Variants in ADAMTS19 observed in about 807,000 individuals in gnomAD.
ADAMTS19 encodes ADAM metallopeptidase with thrombospondin type 1 motif 19.
ADAMTS19 carries 93 observed loss-of-function variants against 153.3 expected under a neutral mutation model. The ratio of observed to expected loss-of-function variants is 0.61; its 90% CI spans 0.51 to 0.72. The LOEUF is 0.72. Among genes scored for constraint, ADAMTS19 ranks in the 30% least tolerant of loss-of-function variants. ADAMTS19 has a pLI of 0.00. For synonymous variants in ADAMTS19, 600 were observed against 556.6 expected (o/e 1.08, Z -1.10); for missense variants, 1,482 against 1,552.1 (o/e 0.95, Z 0.76).
chr5:129,547,526 A>T (rs1752905186), intron 6 of ADAMTS19, among the ~76,000 whole-genome samples: 1 of 150,706 alleles, frequency 6.6e-6, no homozygotes, highest in Admixed American at 6.6e-5. Context: ...TTACTTTCAA[A>T]GTAGCCAAAA....
intron 21 of ADAMTS19, among the ~76,000 whole-genome samples, chr5:129,726,930 G>A (rs1757234099): frequency 6.6e-6 from 1 of 151,918 alleles, no homozygotes; most frequent in Non-Finnish European, 1.5e-5. Flanking sequence ...CCCCCATTAA[G>A]ATGTAAGCTC....
intron 2 of ADAMTS19, among the ~76,000 whole-genome samples, chr5:129,465,467 C>T (rs1160219844): frequency 6.6e-6 from 1 of 151,704 alleles, no homozygotes; most frequent in African/African-American, 2.4e-5. Flanking sequence ...AAAACTAATG[C>T]CACCTTTTCC....
chr5:129,692,615 G>C lies in ADAMTS19; in HGVS notation c.2819-2105G>C, dbSNP rs545177635. On this transcript the variant is annotated intron_variant, in intron 18 of 22. Coordinates refer to ENST00000274487, the MANE Select transcript of ADAMTS19 (RefSeq NM_133638.6). ...AGGGTGTAGTTTCCACATTCAGGCAGTTTCTGCACTGCATAAAGTCTTCAG... is the reference window on the plus strand; with the variant it reads ...AGGGTGTAGTTTCCACATTCAGGCACTTTCTGCACTGCATAAAGTCTTCAG... 2.6e-5 allele frequency among the ~76,000 whole-genome samples: 4 copies of C among 152,320 alleles called. No individual in the cohort carries two copies. The South Asian group carries it at 8.3e-4, about 32-fold the overall frequency.
intron 20 of ADAMTS19, among the ~76,000 whole-genome samples, chr5:129,702,779 A>G: frequency 6.6e-6 from 1 of 151,700 alleles, no homozygotes; most frequent in South Asian, 2.1e-4. Flanking sequence ...TCTTCGGGAG[A>G]AAATTGGTCA....
chr5:129,660,580 AC>A (rs1753777956), intron 15 of ADAMTS19, among the ~76,000 whole-genome samples: 1 of 152,122 alleles, frequency 6.6e-6, no homozygotes, highest in Non-Finnish European at 1.5e-5. Context: ...AAACAGAAAT[AC>A]CATTAAAAAT....
chr5:129,528,658 G>A lies in ADAMTS19; in HGVS notation c.1309G>A (p.Ala437Thr), dbSNP rs772291089. 1.3e-6 allele frequency: 2 copies of A among 1,596,158 alleles called. No individual in the cohort carries two copies. The highest frequency in any genetic ancestry group is 2.7e-5 in the African/African-American group (2 of 73,476). ...GGGGGAAGACATGACTTCAGTGGATGCAGCTATACTTATAACAAGGTAAAT... is the reference window on the plus strand; with the variant it reads ...GGGGGAAGACATGACTTCAGTGGATACAGCTATACTTATAACAAGGTAAAT... ...NWGEDMTSVD[A>T]AILITRKDFC... The change falls in exon 6 of 23, where the codon GCA becomes ACA. Residue 437 changes from alanine (A) to threonine (T), a missense_variant. By Grantham distance (58) the Ala-to-Thr change is moderately conservative. Coordinates refer to ENST00000274487, the MANE Select transcript of ADAMTS19 (RefSeq NM_133638.6).
At chr5:129,462,343 G>T (rs148868856) in intron 2 of ADAMTS19, among the ~76,000 whole-genome samples, 2 of 152,316 alleles carry the variant, frequency 1.3e-5, no homozygotes, top group Non-Finnish European at 1.5e-5. Flanking sequence ...CTGAGAGACT[G>T]GAGGTTGAGT....
intron 7 of ADAMTS19, among the ~76,000 whole-genome samples, chr5:129,588,738 A>G (rs954982606): frequency 1.3e-5 from 2 of 151,576 alleles, no homozygotes; most frequent in African/African-American, 4.8e-5. Context: ...GGGTTATTTT[A>G]TTTGGTGATT....
chr5:129,644,900 A>G (rs1226199196), intron 11 of ADAMTS19, among the ~76,000 whole-genome samples: 5 of 152,174 alleles, frequency 3.3e-5, no homozygotes, highest in Non-Finnish European at 7.4e-5. Flanking sequence ...TATTATTGGA[A>G]ACAATGAAGA....
chr5:129,591,281 T>TTTTTAAA (rs1750119540), intron 7 of ADAMTS19, among the ~76,000 whole-genome samples: 1 of 151,806 alleles, frequency 6.6e-6, no homozygotes, highest in Non-Finnish European at 1.5e-5. Context: ...AAAATGAGCA[T>TTTTTAAA]TTTAAAATTA....
Position 129,613,798 on chromosome 5 carries a change from T to C in ADAMTS19, c.1479-6820T>C, listed in dbSNP as rs1349799966. ...ATTGATAGACTGCTAGCGAGACTAA[T>C]AAAGAAGAAAAGAGAGAAGAATCAA... On this transcript the variant is annotated intron_variant, in intron 8 of 22. Coordinates refer to ENST00000274487, the MANE Select transcript of ADAMTS19 (RefSeq NM_133638.6). 2.0e-5 allele frequency among the ~76,000 whole-genome samples: 3 copies of C among 151,564 alleles called. No individual in the cohort carries two copies. The East Asian group carries it at 5.8e-4, about 29-fold the overall frequency.
At chr5:129,690,230 A>G (rs557701121) in intron 18 of ADAMTS19, among the ~76,000 whole-genome samples, 1 of 152,370 alleles carries the variant, frequency 6.6e-6, no homozygotes, top group African/African-American at 2.4e-5. Flanking sequence ...TGATAAAGGA[A>G]GATATAGAAA....
At chr5:129,503,412 T>C (rs913128605) in intron 2 of ADAMTS19, among the ~76,000 whole-genome samples, 7 of 152,202 alleles carry the variant, frequency 4.6e-5, no homozygotes, top group African/African-American at 1.7e-4. Context: ...ATATTTTATT[T>C]GAATATATCA....
At chr5:129,716,846 T>C (rs1756753670) in intron 21 of ADAMTS19, among the ~76,000 whole-genome samples, 1 of 152,196 alleles carries the variant, frequency 6.6e-6, no homozygotes, top group Non-Finnish European at 1.5e-5. Context: ...AGATCCACCA[T>C]TGATTGCGTC....
In ADAMTS19 at chr5:129,488,124, C is replaced by T. The variant is rs193153232; in HGVS notation, c.748-20953C>T. 1.4e-3 allele frequency among the ~76,000 whole-genome samples: 211 copies of T among 151,892 alleles called. 1 individual carries two copies. The highest frequency in any genetic ancestry group is 1.5e-3 in the Non-Finnish European group (99 of 67,886). On this transcript the variant is annotated intron_variant, in intron 2 of 22. Transcript: ENST00000274487. Reference sequence around the variant, plus strand: ...AATACTCACAGCAAAGAAAATACACCGAGATTTTATGTTGAATTGAAAATA... The same window carrying T: ...AATACTCACAGCAAAGAAAATACACTGAGATTTTATGTTGAATTGAAAATA...
chr5:129,644,039 T>A (rs1320474196), intron 11 of ADAMTS19, among the ~76,000 whole-genome samples: 2 of 152,188 alleles, frequency 1.3e-5, no homozygotes, highest in African/African-American at 4.8e-5. Flanking sequence ...CCTTCAATAT[T>A]TTTCTGCTAT....
chr5:129,492,533 ATG>A (rs1253874260), intron 2 of ADAMTS19, among the ~76,000 whole-genome samples: 5 of 114,104 alleles, frequency 4.4e-5, no homozygotes, highest in Non-Finnish European at 8.8e-5. Flanking sequence ...GTGTGTGTGT[ATG>A]TGTATATATG....
At chr5:129,719,072 C>T (rs1295675728) in intron 21 of ADAMTS19, among the ~76,000 whole-genome samples, 1 of 152,058 alleles carries the variant, frequency 6.6e-6, no homozygotes, top group African/African-American at 2.4e-5. Flanking sequence ...CCTAAATGCA[C>T]TGAAATGTTT....
chr5:129,537,616 G>A (rs1254472346), intron 6 of ADAMTS19, among the ~76,000 whole-genome samples: 5 of 152,106 alleles, frequency 3.3e-5, no homozygotes, highest in Non-Finnish European at 5.9e-5. Flanking sequence ...TTGAGTTCAT[G>A]TCCTTTGTAG....
Sources: gnomAD v4.1 joint callset for allele counts (sites outside exome capture counted in the v4.1 genomes callset) on GRCh38, gnomAD v4.1.1 for gene constraint, MANE v1.5 for transcripts, NCBI Gene and HGNC (gene_info 2026-07-23, HGNC 2026-07-21) for gene names.